Variants in IFITM10 observed in about 807,000 individuals in gnomAD.
IFITM10 encodes interferon-induced transmembrane protein 10.
IFITM10 carries 17 observed loss-of-function variants against 19.0 expected under a neutral mutation model. That is an observed-to-expected ratio of 0.90 (90% confidence interval 0.61 to 1.34). The LOEUF is 1.34. IFITM10 is among the 40% of genes most tolerant of loss of function. The pLI, the probability that IFITM10 is intolerant of heterozygous loss-of-function variation, is 0.00. For synonymous variants in IFITM10, 148 were observed against 147.2 expected (o/e 1.01, Z -0.04); for missense variants, 306 against 319.8 (o/e 0.96, Z 0.33).
chr11:1,741,901 C>T (rs1046568735), intron 2 of IFITM10, among the ~76,000 whole-genome samples: 6 of 152,200 alleles, frequency 3.9e-5, no homozygotes, highest in East Asian at 1.9e-4. Context: ...GGGAGGCCCT[C>T]GGCCCTACTG....
At chr11:1,746,422 C>T (rs1056816386) in intron 2 of IFITM10, 26 of 397,570 alleles carry the variant, frequency 6.5e-5, no homozygotes, top group Non-Finnish European at 9.7e-5. Flanking sequence ...GTTACACTCA[C>T]AGTACATGCC....
At chr11:1,740,660 T>C (rs1433156799) in intron 2 of IFITM10, among the ~76,000 whole-genome samples, 1 of 152,194 alleles carries the variant, frequency 6.6e-6, no homozygotes, top group African/African-American at 2.4e-5. Flanking sequence ...TAGCAATTTG[T>C]GTGAGTCTGG....
At position 1,748,091 on chromosome 11, in the gene IFITM10, G is replaced by C; in HGVS notation, c.113C>G (p.Pro38Arg). 1 of 1,407,248 alleles carries C rather than the reference G, an allele frequency of 7.1e-7. No homozygotes were observed. Among genetic ancestry groups the C allele is most frequent in the Non-Finnish European group, 9.2e-7 (1 of 1,088,168 alleles). 87.2% of individuals were successfully genotyped at this position (1,407,248 alleles called of 1,614,324 possible). The change falls in exon 2 of 3, where the codon CCG becomes CGG. Residue 38 changes from proline (P) to arginine (R), a missense_variant. By Grantham distance (103) the Pro-to-Arg change is moderately radical (BLOSUM62 -2). Coordinates refer to ENST00000340134, the MANE Select transcript of IFITM10 (RefSeq NM_001170820.4). Reference protein sequence around the residue: ...EAQGPGQCPAPLGDPASTTDG... With the variant: ...EAQGPGQCPARLGDPASTTDG... ...CGTGGTGCTGGCCGGGTCTCCCAGC[G>C]GGGCTGGGCACTGGCCGGGGCCCTG...
chr11:1,738,400 A>G (rs56019735), intron 2 of IFITM10, among the ~76,000 whole-genome samples: 7 of 152,306 alleles, frequency 4.6e-5, no homozygotes, highest in Non-Finnish European at 7.4e-5. Flanking sequence ...TTGAAAAAGC[A>G]TACGTCGAAC....
At chr11:1,746,722 C>A in intron 2 of IFITM10, 2 of 398,910 alleles carry the variant, frequency 5.0e-6, no homozygotes, top group Non-Finnish European at 4.4e-6. Context: ...TCTCTCCCTG[C>A]ATCCCCTGTC....
intron 1 of IFITM10, chr11:1,748,939 G>A: frequency 1.6e-6 from 1 of 642,492 alleles, no homozygotes; most frequent in African/African-American, 2.0e-5. Context: ...CGCTCGCCGG[G>A]GGGTCTGCGG....
chr11:1,737,765 T>G (rs1851102165), intron 2 of IFITM10, among the ~76,000 whole-genome samples: 1 of 152,228 alleles, frequency 6.6e-6, no homozygotes, highest in Admixed American at 6.5e-5. Flanking sequence ...TGCGTTAGAA[T>G]TTCCACAAGA....
Position 1,735,438 on chromosome 11 carries a change from G to C in IFITM10, c.538-9C>G, listed in dbSNP as rs995625002. On this transcript the variant is annotated splice_polypyrimidine_tract_variant and intron_variant, in intron 2 of 2. Transcript: ENST00000340134. ...AGCTTCTTGTCTCGCACCTGAAGCC[G>C]GGAGGAGGACAGGAAATGGGCAGTC... The C allele has an allele frequency of 6.4e-7, 1 of 1,550,422 alleles. No individual in the cohort carries two copies. The highest frequency in any genetic ancestry group is 8.7e-7 in the Non-Finnish European group (1 of 1,146,242).
intron 2 of IFITM10, among the ~76,000 whole-genome samples, chr11:1,747,190 C>T (rs1278102067): frequency 1.3e-5 from 2 of 152,160 alleles, no homozygotes; most frequent in Non-Finnish European, 2.9e-5. Context: ...AGCACCTGCC[C>T]TTGGGCTCCG....
At chr11:1,750,280 A>G in intron 1 of IFITM10, 79 bp downstream of exon 1, 1 of 1,549,104 alleles carries the variant, frequency 6.5e-7, no homozygotes, top group African/African-American at 1.4e-5. Flanking sequence ...CCCATGGAGA[A>G]AACTCCAGCC....
At position 1,748,962 on chromosome 11, in the gene IFITM10, A is replaced by G. The variant is rs548908376; in HGVS notation, c.85-843T>C. 2,035 of 848,296 alleles carry G rather than the reference A, an allele frequency of 2.4e-3. 37 individuals carry two copies. The African/African-American group carries it at 0.036, about 15-fold the overall frequency. The allele number at this position is 848,296 out of a possible 1,614,324, so 52.5% of individuals were successfully genotyped here. A position where few individuals can be genotyped will look rare whatever the true frequency, so the allele number is the denominator to read the frequency against. On this transcript the variant is annotated intron_variant, in intron 1 of 2. Coordinates refer to ENST00000340134, the MANE Select transcript of IFITM10 (RefSeq NM_001170820.4). ...GGGGGGTCTGCGGCCGAGGCTCTGC[A>G]GCCCCCAGCCCCATCCGGGTCTGCC...
intron 2 of IFITM10, chr11:1,744,614 G>C (rs1207469959): frequency 1.3e-5 from 2 of 151,384 alleles, no homozygotes; most frequent in Non-Finnish European, 2.9e-5. Context: ...TCCAGCCTGC[G>C]TTGAGCCGAA....
chr11:1,740,337 G>A (rs1250102023), intron 2 of IFITM10, among the ~76,000 whole-genome samples: 2 of 145,002 alleles, frequency 1.4e-5, no homozygotes, highest in African/African-American at 2.5e-5. Context: ...ACAGATAGTT[G>A]AACAGGCAGA....
At chr11:1,739,641 G>A (rs1344734365) in intron 2 of IFITM10, among the ~76,000 whole-genome samples, 1 of 152,044 alleles carries the variant, frequency 6.6e-6, no homozygotes, top group Non-Finnish European at 1.5e-5. Context: ...TAGCTTGGTG[G>A]CCAGGCTCAG....
At chr11:1,747,594 C>T in intron 2 of IFITM10, 73 bp downstream of exon 2, 4 of 1,374,810 alleles carry the variant, frequency 2.9e-6, no homozygotes, top group Non-Finnish European at 3.0e-6. Context: ...GGCCGAGCGC[C>T]CACAGCCAGG....
Position 1,747,724 on chromosome 11 carries a change from G to T in IFITM10, c.480C>A (p.Asn160Lys). Residue 160 changes from asparagine (N) to lysine (K), a missense_variant, in exon 2 of 3, where the codon AAC (asparagine) becomes AAA (lysine). Coordinates refer to ENST00000340134, the MANE Select transcript of IFITM10 (RefSeq NM_001170820.4). ...VNDYYLWSIF[N>K]FVYLNFCCLG... The stretch of plus-strand genomic sequence containing the variant: ...GGCAGCAGAAGTTGAGGTAGACGAA[G>T]TTGAAGATGGACCACAGGTAATAGT... 6.4e-7 allele frequency: 1 copy of T among 1,551,840 alleles called. No individual in the cohort carries two copies. Among genetic ancestry groups the T allele is most frequent in the Non-Finnish European group, 8.7e-7 (1 of 1,147,004 alleles).
At position 1,750,417 on chromosome 11, in the gene IFITM10, G is replaced by A. The variant is rs913815220; in HGVS notation, c.26C>T (p.Pro9Leu). The change falls in exon 1 of 3, where the codon CCA (proline) becomes CTA (leucine). Residue 9 changes from proline (P) to leucine (L), a missense_variant. Pro to Leu is a moderately conservative substitution (Grantham distance 98). Transcript: ENST00000340134. ...AGTCCCCCGGAAGCTGAGGATGCAT[G>A]GCGGCCCCCGTTTTCCCTCCCTCAT... MREGKRGP[P>L]CILSFRGTLE... The A allele has an allele frequency of 6.5e-7, 1 of 1,550,374 alleles. No homozygotes were observed. The highest frequency in any genetic ancestry group is 8.7e-7 in the Non-Finnish European group (1 of 1,146,964).
chr11:1,748,134 G>T lies in IFITM10; in HGVS notation c.85-15C>A. ...GGGCCCTGGGCCTGGAGAGGAGAAA[G>T]TGAGAGCAAGCTGGGCCCGGCCTAC... On this transcript the variant is annotated splice_polypyrimidine_tract_variant and intron_variant, in intron 1 of 2. Transcript: ENST00000340134. The T allele has an allele frequency of 7.4e-7, 1 of 1,351,178 alleles. No homozygotes were observed. Among genetic ancestry groups the T allele is most frequent in the Non-Finnish European group, 9.4e-7 (1 of 1,058,802 alleles). 83.7% of individuals were successfully genotyped at this position (1,351,178 alleles called of 1,614,324 possible). A position where few individuals can be genotyped will look rare whatever the true frequency, so the allele number is the denominator to read the frequency against.
At chr11:1,735,509 G>A (rs1442717859) in intron 2 of IFITM10, 80 bp from the exon 3 acceptor site, 21 of 1,313,638 alleles carry the variant, frequency 1.6e-5, no homozygotes, top group South Asian at 5.5e-5. Flanking sequence ...CAGCAGAGCC[G>A]GTGCCACAGT....
Sources: allele counts gnomAD v4.1 joint callset (sites outside exome capture counted in the v4.1 genomes callset), GRCh38; gene constraint gnomAD v4.1.1; transcripts MANE v1.5; gene names NCBI Gene and HGNC (gene_info 2026-07-23, HGNC 2026-07-21).